PTPRD: variants seen among roughly 807,000 people sequenced by gnomAD.
PTPRD encodes the protein receptor-type tyrosine-protein phosphatase delta.
In PTPRD, 34 loss-of-function variants were observed where a neutral mutation model predicts 214.5. The observed-to-expected ratio is 0.16, with a 90% CI of 0.12 to 0.21. PTPRD has a LOEUF of 0.21. Ranked by LOEUF, PTPRD falls within the 10% of genes least tolerant of loss-of-function variation. PTPRD has a pLI of 1.00. For synonymous variants in PTPRD, 1,128 were observed against 845.7 expected, an observed-to-expected ratio of 1.33 and a Z score of -5.79; for missense variants, 2,545 against 2,398.7, an observed-to-expected ratio of 1.06 and a Z score of -1.27.
intron 5 of PTPRD, among the ~76,000 whole-genome samples, chr9:9,863,334 G>T (rs1600148626): frequency 6.6e-6 from 1 of 152,142 alleles, no homozygotes; most frequent in African/African-American, 2.4e-5. Flanking sequence ...AAAGAGTCAA[G>T]AATGAATCTA....
rs555444160 is a variant in PTPRD, at chr9:10,559,437, A to G, written c.-600+52961T>C. ...ATGGCCACACAGTTCTATTTAAGTT[A>G]CATTTTTAAAATTATTTTTTGTTTT... is the stretch of plus-strand genomic sequence containing the variant. On this transcript the variant is annotated intron_variant, in intron 2 of 45. Coordinates refer to ENST00000381196, the MANE Select transcript of PTPRD (RefSeq NM_002839.4). Among the ~76,000 whole-genome samples, 130 of 152,302 alleles carry G rather than the reference A, an allele frequency of 8.5e-4. 2 individuals are homozygous for G. The highest frequency in any genetic ancestry group is 3.1e-3 in the African/African-American group (127 of 41,586).
intron 9 of PTPRD, among the ~76,000 whole-genome samples, chr9:9,206,792 C>T (rs927141268): frequency 2.6e-5 from 4 of 152,186 alleles, no homozygotes; most frequent in African/African-American, 7.2e-5. Flanking sequence ...GGGCCACAGA[C>T]TGAAGGCTGC....
At chr9:9,446,348 A>G (rs987580400) in intron 8 of PTPRD, among the ~76,000 whole-genome samples, 2 of 152,162 alleles carry the variant, frequency 1.3e-5, no homozygotes, top group African/African-American at 2.4e-5. Flanking sequence ...AAGAGAGGAT[A>G]CCTTATGTTC....
chr9:10,584,677 A>C (rs973316304), intron 2 of PTPRD, among the ~76,000 whole-genome samples: 1 of 152,212 alleles, frequency 6.6e-6, no homozygotes, highest in Non-Finnish European at 1.5e-5. Context: ...ACTCAATTGA[A>C]TAATGACATA....
At chr9:8,388,064 G>A (rs1168077514) in intron 37 of PTPRD, among the ~76,000 whole-genome samples, 1 of 152,174 alleles carries the variant, frequency 6.6e-6, no homozygotes, top group Non-Finnish European at 1.5e-5. Flanking sequence ...GTTTTGAAAA[G>A]ATCTAATTGC....
intron 2 of PTPRD, among the ~76,000 whole-genome samples, chr9:10,509,311 A>G (rs60477956): frequency 0.13 from 19,302 of 151,074 alleles, 1,875 homozygotes; most frequent in African/African-American, 0.28. Flanking sequence ...CCATTTGTTT[A>G]TTTCTTCAGT....
chr9:9,961,197 G>A (rs1214024102), intron 4 of PTPRD, among the ~76,000 whole-genome samples: 1 of 151,936 alleles, frequency 6.6e-6, no homozygotes, highest in Non-Finnish European at 1.5e-5. Context: ...CTCACAAGCA[G>A]ATACATACTC....
chr9:9,570,934 T>A (rs1289113586), intron 8 of PTPRD, among the ~76,000 whole-genome samples: 1 of 151,496 alleles, frequency 6.6e-6, no homozygotes, highest in African/African-American at 2.4e-5. Flanking sequence ...ATTGTTTCAA[T>A]ATTATGAAGA....
rs1822936008 is a variant in PTPRD, at chr9:8,317,743, G to T, written c.*131C>A. On this transcript the variant is annotated 3_prime_UTR_variant, in exon 46 of 46. Coordinates refer to ENST00000381196, the MANE Select transcript of PTPRD (RefSeq NM_002839.4). Reference sequence around the variant, plus strand: ...ATAATTTGTTTTTAATTTGTTTTGTGTGTAATAGTCCCACTAAGTAGTTGT... The same window carrying T: ...ATAATTTGTTTTTAATTTGTTTTGTTTGTAATAGTCCCACTAAGTAGTTGT... The T allele has an allele frequency of 2.9e-6, 2 of 696,916 alleles. No homozygotes were observed. Among genetic ancestry groups the T allele is most frequent in the South Asian group, 4.0e-5 (2 of 50,156 alleles). 43.2% of individuals were successfully genotyped at this position (696,916 alleles called of 1,614,324 possible).
chr9:9,742,148 T>G (rs1031591613), intron 6 of PTPRD, among the ~76,000 whole-genome samples: 1 of 152,220 alleles, frequency 6.6e-6, no homozygotes, highest in East Asian at 1.9e-4. Flanking sequence ...ATTTCTCTAA[T>G]GACCAGTGAT....
chr9:9,911,200 T>C (rs1312818673), intron 5 of PTPRD, among the ~76,000 whole-genome samples: 1 of 152,100 alleles, frequency 6.6e-6, no homozygotes, highest in Non-Finnish European at 1.5e-5. Context: ...TAGACAGCTA[T>C]GACAACAACT....
At chr9:9,349,873 T>C (rs1460094905) in intron 9 of PTPRD, among the ~76,000 whole-genome samples, 1 of 152,074 alleles carries the variant, frequency 6.6e-6, no homozygotes, top group Non-Finnish European at 1.5e-5. Flanking sequence ...TAGTCCATTG[T>C]AAAAAGCCAT....
chr9:8,556,162 A>C (rs2083690992), intron 14 of PTPRD, among the ~76,000 whole-genome samples: 1 of 152,182 alleles, frequency 6.6e-6, no homozygotes, highest in South Asian at 2.1e-4. Flanking sequence ...GAAAGCTAAA[A>C]ATTTATTCAA....
At chr9:8,434,011 C>G (rs1016341509) in intron 35 of PTPRD, among the ~76,000 whole-genome samples, 1 of 152,018 alleles carries the variant, frequency 6.6e-6, no homozygotes, top group Non-Finnish European at 1.5e-5. Context: ...TTGTTTGTTT[C>G]ACTCTTGTCA....
At chr9:9,176,211 C>G (rs931551785) in intron 10 of PTPRD, among the ~76,000 whole-genome samples, 5 of 152,176 alleles carry the variant, frequency 3.3e-5, no homozygotes, top group African/African-American at 1.2e-4. Flanking sequence ...TGGTTCTACA[C>G]TCTGCCACCT....
chr9:9,288,709 G>T (rs574766206), intron 9 of PTPRD, among the ~76,000 whole-genome samples: 1 of 151,906 alleles, frequency 6.6e-6, no homozygotes, highest in East Asian at 2.0e-4. Context: ...AACATGGTTT[G>T]GCTGTGTCCC....
At chr9:9,444,123 A>G (rs913924295) in intron 8 of PTPRD, among the ~76,000 whole-genome samples, 3 of 152,064 alleles carry the variant, frequency 2.0e-5, no homozygotes, top group Non-Finnish European at 4.4e-5. Flanking sequence ...AAATTTTTAG[A>G]AAGTTTTGCT....
intron 11 of PTPRD, among the ~76,000 whole-genome samples, chr9:8,827,854 T>A (rs183183974): frequency 1.3e-5 from 2 of 152,312 alleles, no homozygotes; most frequent in African/African-American, 2.4e-5. Context: ...ATAGGACCTA[T>A]TGAAAAGAAC....
At chr9:8,858,834 C>CACACACAG (rs756649084) in intron 11 of PTPRD, among the ~76,000 whole-genome samples, 8 of 147,398 alleles carry the variant, frequency 5.4e-5, no homozygotes, top group Middle Eastern at 3.2e-3. Flanking sequence ...CACACATACA[C>CACACACAG]ACACACAGAC....
Sources: allele counts gnomAD v4.1 joint callset (sites outside exome capture counted in the v4.1 genomes callset), GRCh38; gene constraint gnomAD v4.1.1; transcripts MANE v1.5; gene names NCBI Gene and HGNC (gene_info 2026-07-23, HGNC 2026-07-21).